Variants in MICAL2 observed in about 807,000 individuals in gnomAD.
MICAL2 encodes the protein microtubule associated monooxygenase, calponin and LIM domain containing 2, also known as [F-actin]-monooxygenase MICAL2.
MICAL2 carries 77 observed loss-of-function variants against 127.3 expected under a neutral mutation model. The ratio of observed to expected loss-of-function variants is 0.60; its 90% CI spans 0.50 to 0.73. The LOEUF (loss-of-function observed/expected upper bound fraction) is 0.73, where lower values mean the gene tolerates loss of function less well. Ranked by LOEUF, MICAL2 falls within the 30% of genes least tolerant of loss-of-function variation. MICAL2 has a pLI of 0.00. For synonymous variants in MICAL2, 570 were observed against 551.1 expected (o/e 1.03, Z -0.48); for missense variants, 1,351 against 1,434.4 (o/e 0.94, Z 0.94).
At chr11:12,212,360 C>G (rs1248083157) in intron 6 of MICAL2, among the ~76,000 whole-genome samples, 1 of 152,076 alleles carries the variant, frequency 6.6e-6, no homozygotes, top group African/African-American at 2.4e-5. Flanking sequence ...GCATATTGTC[C>G]CAGCTACTTG....
At chr11:12,240,945 C>CCTCTT in intron 17 of MICAL2, 95 bp from the exon 18 acceptor site, 1 of 1,465,598 alleles carries the variant, frequency 6.8e-7, no homozygotes, top group Non-Finnish European at 9.3e-7. Flanking sequence ...TCTCCCTGCT[C>CCTCTT]CTCTTCTCTT....
intron 1 of MICAL2, among the ~76,000 whole-genome samples, chr11:12,277,829 A>G (rs1207241865): frequency 6.6e-6 from 1 of 152,242 alleles, no homozygotes; most frequent in Non-Finnish European, 1.5e-5. Flanking sequence ...ATGCAAACCT[A>G]GATGGGCAAG....
intron 12 of MICAL2, among the ~76,000 whole-genome samples, chr11:12,223,883 C>A (rs938484554): frequency 2.1e-4 from 32 of 152,156 alleles, no homozygotes; most frequent in African/African-American, 7.0e-4. Flanking sequence ...CTGAGCCTAG[C>A]AGTGCTCTGG....
intron 1 of MICAL2, among the ~76,000 whole-genome samples, chr11:12,128,186 G>C (rs1589999688): frequency 6.6e-6 from 1 of 152,196 alleles, no homozygotes; most frequent in Non-Finnish European, 1.5e-5. Context: ...GTTAGTGGCA[G>C]ATGAAAACCA....
chr11:12,162,143 C>A lies in MICAL2; in HGVS notation c.-13C>A. On this transcript the variant is annotated 5_prime_UTR_variant, in exon 3 of 28. Coordinates refer to ENST00000683283, the MANE Select transcript of MICAL2 (RefSeq NM_001282663.2). The stretch of plus-strand genomic sequence containing the variant: ...GTCCTCGCCGCACCACTGCCGCACA[C>A]GACTCCTGAACCATGGGGGAAAACG... 6.2e-7 allele frequency: 1 copy of A among 1,614,024 alleles called. No homozygotes were observed. The highest frequency in any genetic ancestry group is 1.1e-5 in the South Asian group (1 of 91,064).
At chr11:12,149,461 G>A (rs1853334471) in intron 2 of MICAL2, among the ~76,000 whole-genome samples, 5 of 152,164 alleles carry the variant, frequency 3.3e-5, no homozygotes, top group African/African-American at 7.2e-5. Context: ...GTGGATTGGA[G>A]GGAGGTGAAT....
At chr11:12,164,231 G>T (rs1204842943) in intron 3 of MICAL2, among the ~76,000 whole-genome samples, 1 of 152,172 alleles carries the variant, frequency 6.6e-6, no homozygotes, top group Non-Finnish European at 1.5e-5. Context: ...TGATGCAAAG[G>T]GAAAGAAAGC....
chr11:12,223,344 G>A, intron 11 of MICAL2, 67 bp from the exon 12 acceptor site: 1 of 1,439,178 alleles, frequency 6.9e-7, no homozygotes, highest in African/African-American at 1.4e-5. Flanking sequence ...GGTGGGTCGA[G>A]TTTAGGGGCC....
At chr11:12,179,412 C>T (rs1215888089) in intron 3 of MICAL2, among the ~76,000 whole-genome samples, 1 of 152,154 alleles carries the variant, frequency 6.6e-6, no homozygotes, top group East Asian at 1.9e-4. Context: ...AGAGCCGCAC[C>T]TAGGAGTTTT....
chr11:12,226,276 G>C lies in MICAL2; in HGVS notation c.1794G>C (p.Glu598Asp), dbSNP rs1366707272. 1 of 1,614,136 alleles carries C rather than the reference G, an allele frequency of 6.2e-7. No homozygotes were observed. The highest frequency in any genetic ancestry group is 1.3e-5 in the African/African-American group (1 of 74,958). Reference sequence around the variant, plus strand: ...TCCCTCCAGTGACCACGGGCAAAGAGATGGCATCTGCCCAGGAGCCTGACA... The same window carrying C: ...TCCCTCCAGTGACCACGGGCAAAGACATGGCATCTGCCCAGGAGCCTGACA... ...FGIPPVTTGK[E>D]MASAQEPDKL... The change falls in exon 14 of 28, where the codon GAG becomes GAC. Residue 598 changes from glutamate to aspartate, a missense_variant. Transcript: ENST00000683283.
intron 3 of MICAL2, among the ~76,000 whole-genome samples, chr11:12,175,942 C>T (rs944207928): frequency 2.0e-5 from 3 of 152,068 alleles, no homozygotes; most frequent in African/African-American, 7.2e-5. Flanking sequence ...AGGACTTGGG[C>T]TTTTACTCTG....
intron 3 of MICAL2, 78 bp from the exon 4 acceptor site, chr11:12,204,172 A>G: frequency 7.1e-7 from 1 of 1,402,204 alleles, no homozygotes; most frequent in Non-Finnish European, 1.0e-6. Context: ...TTTGCGCTTC[A>G]GTTTTCCTGC....
At chr11:12,199,043 G>A (rs1168149215) in intron 3 of MICAL2, among the ~76,000 whole-genome samples, 3 of 152,136 alleles carry the variant, frequency 2.0e-5, no homozygotes, top group Non-Finnish European at 4.4e-5. Context: ...CAGTCAAGCC[G>A]GTAAGAGCAT....
intron 27 of MICAL2, chr11:12,262,771 C>G (rs1038768956): frequency 2.0e-6 from 1 of 496,710 alleles, no homozygotes; most frequent in Admixed American, 3.7e-5. Flanking sequence ...CAAGTGCATG[C>G]CCCGCCTCTC....
downstream of MICAL2, among the ~76,000 whole-genome samples, chr11:12,267,199 C>T (rs963719416): frequency 3.3e-5 from 5 of 152,104 alleles, no homozygotes; most frequent in African/African-American, 4.8e-5. Context: ...AGTGAGTGCC[C>T]GAGTCTCAGC....
At chr11:12,183,620 A>T (rs572713600) in intron 3 of MICAL2, among the ~76,000 whole-genome samples, 1 of 152,194 alleles carries the variant, frequency 6.6e-6, no homozygotes, top group South Asian at 2.1e-4. Context: ...GCTTCAGGAC[A>T]TAGGAGAAGT....
intron 3 of MICAL2, among the ~76,000 whole-genome samples, chr11:12,189,840 C>G (rs958896664): frequency 7.9e-5 from 12 of 152,208 alleles, no homozygotes; most frequent in African/African-American, 2.7e-4. Context: ...TCCCAGGCAG[C>G]TCCCAGCAGG....
chr11:12,149,688 G>C (rs1433850783), intron 2 of MICAL2, among the ~76,000 whole-genome samples: 4 of 152,198 alleles, frequency 2.6e-5, no homozygotes, highest in Non-Finnish European at 5.9e-5. Flanking sequence ...CACTGAGGTT[G>C]GGGCTGCAGG....
At chr11:12,271,505 G>A (rs1204492158), upstream of MICAL2, among the ~76,000 whole-genome samples, 1 of 152,166 alleles carries the variant, frequency 6.6e-6, no homozygotes, top group Non-Finnish European at 1.5e-5. Context: ...CTCACTGGCT[G>A]GCCTGGTGGG....
Sources: allele counts gnomAD v4.1 joint callset (sites outside exome capture counted in the v4.1 genomes callset), GRCh38; gene constraint gnomAD v4.1.1; transcripts MANE v1.5; gene names NCBI Gene and HGNC (gene_info 2026-07-23, HGNC 2026-07-21).